The following CCSER2 variants were observed in gnomAD, a reference collection of about 807,000 sequenced individuals.
CCSER2 encodes serine-rich coiled-coil domain-containing protein 2.
CCSER2 carries 46 observed loss-of-function variants against 92.3 expected under a neutral mutation model. The observed-to-expected ratio is 0.50, with a 90% CI of 0.39 to 0.64. CCSER2 has a LOEUF of 0.64. CCSER2 is among the 30% of genes least tolerant of loss of function. The pLI, the probability that CCSER2 is intolerant of heterozygous loss-of-function variation, is 0.00. For missense variants in CCSER2, 1,244 were observed against 1,238.9 expected (o/e 1.00, Z -0.06); for synonymous variants, 433 against 431.4 (o/e 1.00, Z -0.04).
At chr10:84,374,075 T>A in intron 3 of CCSER2, 1 of 783,316 alleles carries the variant, frequency 1.3e-6, no homozygotes, top group Non-Finnish European at 1.9e-6. Flanking sequence ...ATTAGTAGTT[T>A]AATCTATGCC....
In CCSER2 at chr10:84,387,771, G is replaced by A. The variant is rs182043164; in HGVS notation, c.1614+13956G>A. 1.2e-3 allele frequency among the ~76,000 whole-genome samples: 187 copies of A among 152,160 alleles called. 2 individuals are homozygous for A. The highest frequency in any genetic ancestry group is 3.6e-3 in the African/African-American group (148 of 41,516). On this transcript the variant is annotated intron_variant, in intron 3 of 9. Coordinates refer to ENST00000372088, the MANE Select transcript of CCSER2 (RefSeq NM_001284240.2). ...TCTCGATCTCCTGACTTCGTGATCC[G>A]CCCACCTCGGCCTCCCAAAGTGCTG... is the stretch of plus-strand genomic sequence containing the variant.
chr10:84,396,233 G>T (rs1841827870), intron 3 of CCSER2, among the ~76,000 whole-genome samples: 1 of 148,582 alleles, frequency 6.7e-6, no homozygotes. Flanking sequence ...AAGGATTATA[G>T]TATATATTCA....
At chr10:84,498,853 A>C (rs1398733433) in intron 9 of CCSER2, among the ~76,000 whole-genome samples, 1 of 152,210 alleles carries the variant, frequency 6.6e-6, no homozygotes, top group Non-Finnish European at 1.5e-5. Flanking sequence ...CCTTTGTATA[A>C]CATTGAACAG....
At chr10:84,381,590 A>C (rs1008275159) in intron 3 of CCSER2, among the ~76,000 whole-genome samples, 9 of 152,158 alleles carry the variant, frequency 5.9e-5, no homozygotes, top group African/African-American at 2.2e-4. Context: ...GGGTACCCAC[A>C]AGACCATCCC....
intron 1 of CCSER2, among the ~76,000 whole-genome samples, chr10:84,347,923 C>G (rs985083696): frequency 6.6e-6 from 1 of 152,110 alleles, no homozygotes; most frequent in African/African-American, 2.4e-5. Flanking sequence ...CTCCTCACTT[C>G]CTAGGTGGGA....
intron 1 of CCSER2, among the ~76,000 whole-genome samples, chr10:84,361,529 T>C (rs758078192): frequency 6.6e-6 from 1 of 152,254 alleles, no homozygotes; most frequent in Non-Finnish European, 1.5e-5. Flanking sequence ...CTCAAGTCTC[T>C]GGATTCTCTT....
chr10:84,509,423 T>A (rs1322787471), intron 9 of CCSER2, among the ~76,000 whole-genome samples: 2 of 152,206 alleles, frequency 1.3e-5, no homozygotes, highest in East Asian at 3.8e-4. Context: ...GAGCTCCAAG[T>A]CTTTGGCTAT....
At chr10:84,370,983 T>C (rs1846031079) in intron 1 of CCSER2, 31 bp from the exon 2 acceptor site, 5 of 927,846 alleles carry the variant, frequency 5.4e-6, no homozygotes. Flanking sequence ...TATTTAGGAA[T>C]GTTTAATGTA....
chr10:84,361,006 T>A (rs1845471315), intron 1 of CCSER2, among the ~76,000 whole-genome samples: 1 of 152,222 alleles, frequency 6.6e-6, no homozygotes, highest in Non-Finnish European at 1.5e-5. Flanking sequence ...GAAGTCTTGC[T>A]GCTGCTTCCC....
At chr10:84,496,590 A>T (rs2131824459) in intron 9 of CCSER2, among the ~76,000 whole-genome samples, 1 of 152,238 alleles carries the variant, frequency 6.6e-6, no homozygotes, top group South Asian at 2.1e-4. Context: ...CGGCCTTCCC[A>T]GTCCTCCCTT....
intron 5 of CCSER2, among the ~76,000 whole-genome samples, chr10:84,427,545 A>T (rs1804303848): frequency 6.6e-6 from 1 of 152,124 alleles, no homozygotes; most frequent in African/African-American, 2.4e-5. Flanking sequence ...TCTGTCCCTT[A>T]ACTCCCGTTA....
At chr10:84,395,180 C>T (rs143353356) in intron 3 of CCSER2, among the ~76,000 whole-genome samples, 1,542 of 148,084 alleles carry the variant, frequency 0.01, 18 homozygotes, top group Non-Finnish European at 0.016. Flanking sequence ...GCCATGATTG[C>T]GCCACTGCAC....
intron 6 of CCSER2, among the ~76,000 whole-genome samples, chr10:84,462,111 G>C (rs1846135094): frequency 6.6e-6 from 1 of 152,158 alleles, no homozygotes; most frequent in Non-Finnish European, 1.5e-5. Flanking sequence ...ATTTTTCAAA[G>C]TCTTTGCTAT....
chr10:84,342,417 A>T (rs1272286677), intron 1 of CCSER2, among the ~76,000 whole-genome samples: 1 of 152,192 alleles, frequency 6.6e-6, no homozygotes, highest in East Asian at 1.9e-4. Flanking sequence ...ACCTTTTAGT[A>T]GCTACTCCTG....
rs147285728 is a variant in CCSER2, at chr10:84,415,501, C to T, written c.1615-2270C>T. Among the ~76,000 whole-genome samples, 387 of 152,316 alleles carry T rather than the reference C, an allele frequency of 2.5e-3. 1 individual carries two copies. The highest frequency in any genetic ancestry group is 8.8e-3 in the African/African-American group (367 of 41,562). ...GATATCACCAGTGAAGGCTGTGAAA[C>T]AGCAAAGATGGCAACCTGATCCTCC... On this transcript the variant is annotated intron_variant, in intron 3 of 9. Transcript: ENST00000372088.
chr10:84,489,690 T>A (rs949714579), intron 9 of CCSER2, among the ~76,000 whole-genome samples: 2 of 152,240 alleles, frequency 1.3e-5, no homozygotes, highest in Admixed American at 6.5e-5. Context: ...TGACTCTTTA[T>A]CCAATTTGCC....
At chr10:84,497,667 G>T (rs376553153) in intron 9 of CCSER2, among the ~76,000 whole-genome samples, 1 of 152,028 alleles carries the variant, frequency 6.6e-6, no homozygotes, top group South Asian at 2.1e-4. Flanking sequence ...ACATGCTGGG[G>T]GAGTTTTAGG....
chr10:84,513,306 G>A (rs1479885041), intron 9 of CCSER2, 143 bp from the exon 10 acceptor site: 1 of 657,426 alleles, frequency 1.5e-6, no homozygotes, highest in Non-Finnish European at 2.5e-6. Context: ...GAATATTGCA[G>A]TTCATTTTTT....
At chr10:84,476,055 G>A (rs1045485921) in intron 8 of CCSER2, among the ~76,000 whole-genome samples, 4 of 151,994 alleles carry the variant, frequency 2.6e-5, no homozygotes, top group Non-Finnish European at 5.9e-5. Flanking sequence ...AGGCTGGTCT[G>A]GAACCCCTGG....
Sources: allele counts gnomAD v4.1 joint callset (sites outside exome capture counted in the v4.1 genomes callset), GRCh38; gene constraint gnomAD v4.1.1; transcripts MANE v1.5; gene names NCBI Gene and HGNC (gene_info 2026-07-23, HGNC 2026-07-21).